The following CPLX2 variants were observed in gnomAD, a reference collection of about 807,000 sequenced individuals.
CPLX2 encodes the protein complexin 2.
A neutral mutation model predicts 16.3 loss-of-function variants in CPLX2; 5 were observed. The ratio of observed to expected loss-of-function variants is 0.31; its 90% CI spans 0.16 to 0.64. The LOEUF (loss-of-function observed/expected upper bound fraction) is 0.64, where lower values mean the gene tolerates loss of function less well. CPLX2 is among the 30% of genes least tolerant of loss of function. The pLI, the probability that CPLX2 is intolerant of heterozygous loss-of-function variation, is 0.79. For missense variants in CPLX2, 144 were observed against 181.4 expected, an observed-to-expected ratio of 0.79 and a Z score of 1.18; for synonymous variants, 89 against 73.2, an observed-to-expected ratio of 1.22 and a Z score of -1.10.
At chr5:175,836,179 T>C (rs939713479) in intron 2 of CPLX2, among the ~76,000 whole-genome samples, 1 of 151,964 alleles carries the variant, frequency 6.6e-6, no homozygotes, top group Non-Finnish European at 1.5e-5. Flanking sequence ...TGAAACCCCG[T>C]CTCTACTAAA....
intron 2 of CPLX2, among the ~76,000 whole-genome samples, chr5:175,865,781 G>A (rs1024920061): frequency 6.6e-6 from 1 of 152,168 alleles, no homozygotes; most frequent in Non-Finnish European, 1.5e-5. Context: ...CTGCGGAGCT[G>A]GGCAAAAGAT....
At chr5:175,844,402 A>G (rs959300401) in intron 2 of CPLX2, among the ~76,000 whole-genome samples, 6 of 152,230 alleles carry the variant, frequency 3.9e-5, no homozygotes, top group Non-Finnish European at 8.8e-5. Flanking sequence ...TGTACCAGGC[A>G]CTGCGGTTAG....
intron 2 of CPLX2, among the ~76,000 whole-genome samples, chr5:175,823,400 G>T (rs562702861): frequency 6.6e-6 from 1 of 152,160 alleles, no homozygotes; most frequent in African/African-American, 2.4e-5. Context: ...GTGGTGGAGC[G>T]TATGAACGAT....
chr5:175,850,138 G>T (rs933821854), intron 2 of CPLX2, among the ~76,000 whole-genome samples: 8 of 138,964 alleles, frequency 5.8e-5, no homozygotes, highest in Admixed American at 3.8e-4. Context: ...GAGTTTGCAA[G>T]TGACAGTTTT....
In CPLX2 at chr5:175,872,538, C is replaced by T. The variant is rs940558557; in HGVS notation, c.-89+833C>T. Among the ~76,000 whole-genome samples, 1 of 151,904 alleles carries T rather than the reference C, an allele frequency of 6.6e-6. No homozygotes were observed. The highest frequency in any genetic ancestry group is 1.5e-5 in the Non-Finnish European group (1 of 67,944). On this transcript the variant is annotated intron_variant, in intron 1 of 3. Coordinates refer to ENST00000393745, the MANE Select transcript of CPLX2 (RefSeq NM_001008220.2). The surrounding 1 kb of genome is among the most constrained non-coding windows in gnomAD (Gnocchi z 5.0). ...GGGGGTGTGGGTCTCCGCGGGGGTCCGGGAGAGGGGCGCCGGGGTTCCTGT... is the reference window on the plus strand; with the variant it reads ...GGGGGTGTGGGTCTCCGCGGGGGTCTGGGAGAGGGGCGCCGGGGTTCCTGT...
chr5:175,840,087 G>A (rs1581086209), intron 2 of CPLX2, among the ~76,000 whole-genome samples: 1 of 152,084 alleles, frequency 6.6e-6, no homozygotes, highest in South Asian at 2.1e-4. Flanking sequence ...TTTCTTTTTC[G>A]AACAAAGGTG....
Position 175,858,694 on chromosome 5 carries a change from T to G in CPLX2, c.-88-19958T>G, listed in dbSNP as rs544107055. Among the ~76,000 whole-genome samples, 21 of 152,332 alleles carry G rather than the reference T, an allele frequency of 1.4e-4. 1 individual carries two copies. The South Asian group carries it at 4.4e-3, about 32-fold the overall frequency. ...ATGATGGGGCCAAAGCATGGAAGGA[T>G]CTTGCGAAGTTATAGGCACCGGCTG... On this transcript the variant is annotated intron_variant, in intron 2 of 4. Transcript: ENST00000359546.
At chr5:175,852,746 G>A (rs903441061) in intron 2 of CPLX2, among the ~76,000 whole-genome samples, 1 of 152,208 alleles carries the variant, frequency 6.6e-6, no homozygotes, top group Non-Finnish European at 1.5e-5. Flanking sequence ...AAGAGCTGAG[G>A]CCAAGGACCA....
intron 1 of CPLX2, among the ~76,000 whole-genome samples, chr5:175,800,834 A>G (rs1758080045): frequency 6.6e-6 from 1 of 152,200 alleles, no homozygotes; most frequent in Non-Finnish European, 1.5e-5. Context: ...TAACAATTGA[A>G]AAGCAAATGT....
At chr5:175,870,296 T>C (rs1168026213), upstream of CPLX2, among the ~76,000 whole-genome samples, 2 of 152,186 alleles carry the variant, frequency 1.3e-5, no homozygotes, top group Non-Finnish European at 2.9e-5. Flanking sequence ...GGTTCACCAA[T>C]GGCCTCTGAC....
intron 2 of CPLX2, among the ~76,000 whole-genome samples, chr5:175,819,905 A>T (rs1024660660): frequency 6.6e-6 from 1 of 152,232 alleles, no homozygotes; most frequent in African/African-American, 2.4e-5. Context: ...GAAGGGAACA[A>T]AAGGAAGGTG....
chr5:175,854,133 C>A (rs1276930200), intron 2 of CPLX2, among the ~76,000 whole-genome samples: 1 of 152,196 alleles, frequency 6.6e-6, no homozygotes, highest in African/African-American at 2.4e-5. Flanking sequence ...GTCCCCAGCA[C>A]CCCTGAGCCC....
chr5:175,836,116 C>T (rs938210909), intron 2 of CPLX2, among the ~76,000 whole-genome samples: 25 of 152,198 alleles, frequency 1.6e-4, no homozygotes, highest in East Asian at 1.4e-3. Context: ...TTTGGGAGGC[C>T]AAGGCGGGCA....
intron 2 of CPLX2, 35 bp downstream of exon 2, chr5:175,878,805 G>C (rs764770402): frequency 1.9e-6 from 3 of 1,611,652 alleles, no homozygotes; most frequent in Non-Finnish European, 1.7e-6. Context: ...GTCCTCAGCC[G>C]GTCCCACCCT....
At chr5:175,815,492 G>A (rs1268384474) in intron 2 of CPLX2, among the ~76,000 whole-genome samples, 1 of 152,090 alleles carries the variant, frequency 6.6e-6, no homozygotes, top group African/African-American at 2.4e-5. Context: ...CACAGGCACG[G>A]GGCCCCAGGG....
At chr5:175,857,326 C>A (rs566787902) in intron 2 of CPLX2, among the ~76,000 whole-genome samples, 1 of 152,226 alleles carries the variant, frequency 6.6e-6, no homozygotes, top group Non-Finnish European at 1.5e-5. Flanking sequence ...CCTGTCCTGT[C>A]TTTCTTTCTC....
At chr5:175,862,148 G>A (rs1391979004) in intron 2 of CPLX2, among the ~76,000 whole-genome samples, 1 of 152,204 alleles carries the variant, frequency 6.6e-6, no homozygotes, top group Non-Finnish European at 1.5e-5. Context: ...TTCTCACCAT[G>A]TATCCCCAGC....
intron 2 of CPLX2, among the ~76,000 whole-genome samples, chr5:175,813,280 G>C (rs1385348710): frequency 6.6e-6 from 1 of 152,058 alleles, no homozygotes; most frequent in Non-Finnish European, 1.5e-5. Flanking sequence ...TTTTTAAAAA[G>C]GCAAATCAAT....
At chr5:175,868,572 G>C (rs922606828), upstream of CPLX2, among the ~76,000 whole-genome samples, 1 of 152,140 alleles carries the variant, frequency 6.6e-6, no homozygotes, top group African/African-American at 2.4e-5. Flanking sequence ...TACAGAGCAG[G>C]CTCGGCAAGA....
Sources: allele counts gnomAD v4.1 joint callset (sites outside exome capture counted in the v4.1 genomes callset), GRCh38; gene constraint gnomAD v4.1.1; non-coding constraint Gnocchi (gnomAD v3.1); transcripts MANE v1.5; gene names NCBI Gene and HGNC (gene_info 2026-07-23, HGNC 2026-07-21).